Variants in ARNT observed in about 807,000 individuals in gnomAD.
ARNT encodes the protein class E basic helix-loop-helix protein 2.
A neutral mutation model predicts 105.0 loss-of-function variants in ARNT; 30 were observed. The ratio of observed to expected loss-of-function variants is 0.29; its 90% CI spans 0.21 to 0.39. The LOEUF (loss-of-function observed/expected upper bound fraction) is 0.39. ARNT is among the 10% of genes least tolerant of loss of function. The probability of loss-of-function intolerance (pLI) is 1.00; values close to 1 mark genes in which losing one functional copy is unlikely to be tolerated. For synonymous variants in ARNT, 304 were observed against 344.0 expected (o/e 0.88, Z 1.29); for missense variants, 748 against 978.7 (o/e 0.76, Z 3.15).
intron 1 of ARNT, among the ~76,000 whole-genome samples, chr1:150,873,059 C>G (rs1003779576): frequency 6.6e-6 from 1 of 151,646 alleles, no homozygotes; most frequent in African/African-American, 2.4e-5. Flanking sequence ...CCGAGGCAGG[C>G]GGATCACAAG....
At position 150,826,713 on chromosome 1, in the gene ARNT, T is replaced by G. The variant is rs1407465063; in HGVS notation, c.1168-96A>C. 3.5e-6 allele frequency: 3 copies of G among 849,904 alleles called. No individual in the cohort carries two copies. In the African/African-American group the frequency reaches 5.1e-5, roughly 15 times the overall value. 52.6% of individuals were successfully genotyped at this position (849,904 alleles called of 1,614,324 possible). A position where few individuals can be genotyped will look rare whatever the true frequency, so the allele number is the denominator to read the frequency against. On this transcript the variant is annotated intron_variant, in intron 12 of 21. Coordinates refer to ENST00000358595, the MANE Select transcript of ARNT (RefSeq NM_001668.4). ...AGGCTGGAGTACGATGGCGCGATCT[T>G]GGCTCACTGCAACCTCCACCTCCTG...
intron 14 of ARNT, among the ~76,000 whole-genome samples, chr1:150,822,579 C>T (rs587658670): frequency 3.9e-5 from 6 of 152,258 alleles, no homozygotes; most frequent in Admixed American, 6.5e-5. Flanking sequence ...GAAAGCTCTG[C>T]ACTCCTTCCT....
chr1:150,826,034 C>A (rs1002408724), intron 13 of ARNT, among the ~76,000 whole-genome samples: 3 of 152,042 alleles, frequency 2.0e-5, no homozygotes, highest in African/African-American at 7.2e-5. Context: ...GTGCCTCAGC[C>A]TCCCGAGTAC....
At chr1:150,828,993 C>A (rs1379739538) in intron 12 of ARNT, 100 bp downstream of exon 12, 4 of 1,377,924 alleles carry the variant, frequency 2.9e-6, no homozygotes, top group Non-Finnish European at 3.9e-6. Flanking sequence ...TTTTTCTTAA[C>A]TGAGGTTGAT....
intron 1 of ARNT, among the ~76,000 whole-genome samples, chr1:150,861,662 T>C (rs1410113947): frequency 6.6e-6 from 1 of 152,112 alleles, no homozygotes; most frequent in African/African-American, 2.4e-5. Flanking sequence ...ATGAACAAAA[T>C]TGGCCATACA....
rs1655826819 is a variant in ARNT, at chr1:150,816,165, G to A, written c.1950+94C>T. 3.5e-6 allele frequency: 5 copies of A among 1,438,562 alleles called. No individual in the cohort carries two copies. The South Asian group carries it at 3.9e-5, about 11-fold the overall frequency. 89.1% of individuals were successfully genotyped at this position (1,438,562 alleles called of 1,614,324 possible). A position where few individuals can be genotyped will look rare whatever the true frequency, so the allele number is the denominator to read the frequency against. The stretch of plus-strand genomic sequence containing the variant: ...CCGGAGAACAGGGGTTGGGGAGAAG[G>A]TATTTAAAATAGAAAACACTGATTT... On this transcript the variant is annotated intron_variant, in intron 19 of 21. Coordinates refer to ENST00000358595, the MANE Select transcript of ARNT (RefSeq NM_001668.4).
At chr1:150,833,321 T>C (rs1273486523) in intron 8 of ARNT, among the ~76,000 whole-genome samples, 2 of 152,056 alleles carry the variant, frequency 1.3e-5, no homozygotes, top group East Asian at 1.9e-4. Flanking sequence ...CTGGCCAACA[T>C]GGTGAAACAC....
intron 6 of ARNT, among the ~76,000 whole-genome samples, chr1:150,837,580 TTC>T (rs2101923407): frequency 6.6e-6 from 1 of 152,324 alleles, no homozygotes; most frequent in South Asian, 2.1e-4. Flanking sequence ...TTGCTTCCTC[TTC>T]TGTTTCAGAC....
At chr1:150,858,589 A>C in intron 1 of ARNT, 129 bp from the exon 2 acceptor site, 5 of 701,206 alleles carry the variant, frequency 7.1e-6, no homozygotes, top group East Asian at 2.8e-5. Flanking sequence ...AAAATCCCAA[A>C]TGCTCATATC....
Position 150,810,613 on chromosome 1 carries a change from C to T in ARNT, c.*1408G>A, listed in dbSNP as rs1323667457. On this transcript the variant is annotated 3_prime_UTR_variant, in exon 22 of 22. Coordinates refer to ENST00000358595, the MANE Select transcript of ARNT (RefSeq NM_001668.4). The stretch of plus-strand genomic sequence containing the variant: ...TCATTAATTCAGTCTTGCACTTTAG[C>T]TACTGGCCAAAGCCAATTTAAAAAA... The T allele has an allele frequency of 9.5e-6, 2 of 210,222 alleles. No individual in the cohort carries two copies. The highest frequency in any genetic ancestry group is 1.9e-5 in the Non-Finnish European group (2 of 104,668). The allele number at this position is 210,222 out of a possible 1,614,324, so 13.0% of individuals were successfully genotyped here. A position where few individuals can be genotyped will look rare whatever the true frequency, so the allele number is the denominator to read the frequency against.
intron 14 of ARNT, among the ~76,000 whole-genome samples, chr1:150,820,835 A>G (rs753890170): frequency 2.0e-5 from 3 of 152,188 alleles, no homozygotes; most frequent in Non-Finnish European, 4.4e-5. Flanking sequence ...AGAAATCCCA[A>G]CATTGGAAAA....
intron 5 of ARNT, among the ~76,000 whole-genome samples, chr1:150,841,120 T>A (rs587674070): frequency 2.0e-4 from 31 of 151,252 alleles, no homozygotes; most frequent in African/African-American, 5.8e-4. Flanking sequence ...AGTTTTTTTT[T>A]TTTTTATTTT....
chr1:150,855,390 T>G (rs1354668353), intron 2 of ARNT, among the ~76,000 whole-genome samples: 2 of 145,860 alleles, frequency 1.4e-5, no homozygotes, highest in Admixed American at 6.9e-5. Context: ...CCGTCTCTAC[T>G]AAAAATACAA....
At chr1:150,872,167 G>A (rs1027464986) in intron 1 of ARNT, among the ~76,000 whole-genome samples, 4 of 151,974 alleles carry the variant, frequency 2.6e-5, no homozygotes, top group Admixed American at 6.6e-5. Flanking sequence ...CACGTTGTCC[G>A]GGCTGGTCTC....
Position 150,852,812 on chromosome 1 carries a change from G to A in ARNT, c.138-6C>T, listed in dbSNP as rs587745209. On this transcript the variant is annotated splice_region_variant and splice_polypyrimidine_tract_variant and intron_variant, in intron 2 of 21. Coordinates refer to ENST00000358595, the MANE Select transcript of ARNT (RefSeq NM_001668.4). ...CATCATCATCAAAATCCAGCCTGAG[G>A]AAAGCCAACAATAAATACTTTAAGC... is the stretch of plus-strand genomic sequence containing the variant. 6.2e-7 allele frequency: 1 copy of A among 1,613,838 alleles called. No homozygotes were observed. Among genetic ancestry groups the A allele is most frequent in the South Asian group, 1.1e-5 (1 of 91,054 alleles).
In ARNT at chr1:150,810,239, G is replaced by C. The variant is rs1329957330; in HGVS notation, c.*1782C>G. 3 of 232,850 alleles carry C rather than the reference G, an allele frequency of 1.3e-5. No individual in the cohort carries two copies. The highest frequency in any genetic ancestry group is 6.6e-5 in the African/African-American group (3 of 45,224). 14.4% of individuals were successfully genotyped at this position (232,850 alleles called of 1,614,324 possible). On this transcript the variant is annotated 3_prime_UTR_variant, in exon 22 of 22. Transcript: ENST00000358595. ...TCAAAAATAAAACCCTGAAGGAAAAGCAAAAACAAAACCCCCAGAGCATCT... is the reference window on the plus strand; with the variant it reads ...TCAAAAATAAAACCCTGAAGGAAAACCAAAAACAAAACCCCCAGAGCATCT...
chr1:150,872,648 T>C (rs1667633170), intron 1 of ARNT, among the ~76,000 whole-genome samples: 1 of 152,314 alleles, frequency 6.6e-6, no homozygotes, highest in Admixed American at 6.5e-5. Context: ...GCATTACAAA[T>C]GACACATTCA....
intron 17 of ARNT, 57 bp from the exon 18 acceptor site, chr1:150,816,947 C>T (rs1170997959): frequency 6.2e-7 from 1 of 1,600,714 alleles, no homozygotes; most frequent in Non-Finnish European, 8.5e-7. Context: ...TATATTAGTT[C>T]AGCAAGTTCC....
intron 10 of ARNT, 106 bp downstream of exon 10, chr1:150,831,712 C>G: frequency 1.4e-6 from 1 of 727,512 alleles, no homozygotes; most frequent in Non-Finnish European, 2.3e-6. Context: ...TCATCTTACA[C>G]AAAAGTACAT....
Sources: gnomAD v4.1 joint callset for allele counts (sites outside exome capture counted in the v4.1 genomes callset) on GRCh38, gnomAD v4.1.1 for gene constraint, MANE v1.5 for transcripts, NCBI Gene and HGNC (gene_info 2026-07-23, HGNC 2026-07-21) for gene names.